Variants in MEGF6 observed in about 807,000 individuals in gnomAD.
MEGF6 encodes the protein multiple epidermal growth factor-like domains protein 6.
A neutral mutation model predicts 207.1 loss-of-function variants in MEGF6; 184 were observed. The observed-to-expected ratio is 0.89, with a 90% confidence interval of 0.79 to 1.00. The LOEUF is 1.00. Ranked by LOEUF, MEGF6 falls within the 50% of genes least tolerant of loss-of-function variation. The pLI is 0.00. For synonymous variants in MEGF6, 1,038 were observed against 910.0 expected, an observed-to-expected ratio of 1.14 and a Z score of -2.53; for missense variants, 2,282 against 2,202.9, an observed-to-expected ratio of 1.04 and a Z score of -0.72.
chr1:3,580,160 G>A (rs1261562349), intron 3 of MEGF6, among the ~76,000 whole-genome samples: 1 of 151,594 alleles, frequency 6.6e-6, no homozygotes, highest in Non-Finnish European at 1.5e-5. Context: ...CTGGAGGGCA[G>A]TAAAGCCCTA....
rs1640333640 is a variant in MEGF6, at chr1:3,490,967, G to A, written c.4517-8C>T. ...GGAGCCGGAGGGGCCCACCTGGAGGGGAGAGAGAGCAGGCCATGTTAGTAC... is the reference window on the plus strand; with the variant it reads ...GGAGCCGGAGGGGCCCACCTGGAGGAGAGAGAGAGCAGGCCATGTTAGTAC... On this transcript the variant is annotated splice_region_variant and splice_polypyrimidine_tract_variant and intron_variant, in intron 35 of 36. Transcript: ENST00000356575. The A allele has an allele frequency of 1.3e-6, 2 of 1,595,438 alleles. No individual in the cohort carries two copies. The highest frequency in any genetic ancestry group is 8.5e-7 in the Non-Finnish European group (1 of 1,174,128).
In MEGF6 at chr1:3,489,569, G is replaced by A. The variant is rs748408478; in HGVS notation, c.*959C>T. Among the ~76,000 whole-genome samples, 2 of 152,116 alleles carry A rather than the reference G, an allele frequency of 1.3e-5. No individual in the cohort carries two copies. The highest frequency in any genetic ancestry group is 2.9e-5 in the Non-Finnish European group (2 of 68,010). ...TCACCCAGGGAGTCCCTGCCCCTGC[G>A]ATGCTGCCCTCCCCCCACTGCTGAT... On this transcript the variant is annotated 3_prime_UTR_variant, in exon 37 of 37. Coordinates refer to ENST00000356575, the MANE Select transcript of MEGF6 (RefSeq NM_001409.4).
intron 5 of MEGF6, among the ~76,000 whole-genome samples, chr1:3,523,829 T>A (rs1641857155): frequency 6.6e-6 from 1 of 152,210 alleles, no homozygotes; most frequent in Non-Finnish European, 1.5e-5. Context: ...CTCACTCCCC[T>A]GTCCACTGGG....
intron 34 of MEGF6, 106 bp downstream of exon 34, chr1:3,493,665 G>A (rs185310228): frequency 0.02 from 29,413 of 1,454,390 alleles, 393 homozygotes; most frequent in Non-Finnish European, 0.024. Flanking sequence ...AACAAGAGGG[G>A]TTGGTGGCCA....
chr1:3,584,624 C>T (rs1463899949), intron 3 of MEGF6, among the ~76,000 whole-genome samples: 1 of 152,244 alleles, frequency 6.6e-6, no homozygotes, highest in African/African-American at 2.4e-5. Flanking sequence ...TGTTCCCCCA[C>T]ACCAGAGTCC....
intron 4 of MEGF6, among the ~76,000 whole-genome samples, chr1:3,533,832 C>T (rs922219285): frequency 5.3e-5 from 8 of 152,216 alleles, no homozygotes; most frequent in African/African-American, 1.4e-4. Flanking sequence ...AGCACCCCAT[C>T]TGGGGAAGGT....
chr1:3,585,594 G>A (rs923402314), intron 3 of MEGF6, among the ~76,000 whole-genome samples: 8 of 139,960 alleles, frequency 5.7e-5, no homozygotes, highest in Admixed American at 2.1e-4. Context: ...GTGTGGACAC[G>A]TCCTGTGTGT....
intron 4 of MEGF6, among the ~76,000 whole-genome samples, chr1:3,577,278 G>A (rs1643670055): frequency 1.3e-5 from 2 of 152,196 alleles, no homozygotes; most frequent in Non-Finnish European, 2.9e-5. Context: ...CCACAAGCCA[G>A]CCACAGGGGA....
chr1:3,543,242 T>C (rs754462439), intron 4 of MEGF6, among the ~76,000 whole-genome samples: 17 of 152,098 alleles, frequency 1.1e-4, no homozygotes, highest in Admixed American at 5.9e-4. Context: ...GAGTCATCAC[T>C]GCAAGCAGGT....
intron 4 of MEGF6, among the ~76,000 whole-genome samples, chr1:3,574,936 C>T (rs753063982): frequency 6.6e-6 from 1 of 152,200 alleles, no homozygotes; most frequent in Non-Finnish European, 1.5e-5. Context: ...AGCCACCACG[C>T]CTGGCTTGAG....
upstream of MEGF6, among the ~76,000 whole-genome samples, chr1:3,613,279 C>T (rs539046347): frequency 5.6e-4 from 85 of 152,342 alleles, 1 homozygote; most frequent in South Asian, 6.6e-3. Context: ...TACTTTCCTC[C>T]TGGTCTCCCA....
rs1041694729 is a variant in MEGF6, at chr1:3,556,663, C to A, written c.481+23162G>T. The stretch of plus-strand genomic sequence containing the variant: ...CGAATAGGACTGACCACCAAGCAGA[C>A]TGCAGGCAGCTTAAGAGCTCCATTG... On this transcript the variant is annotated intron_variant, in intron 4 of 36. Transcript: ENST00000356575. The surrounding 1 kb of genome is among the most constrained non-coding windows in gnomAD (Gnocchi z 4.4). 1.3e-5 allele frequency among the ~76,000 whole-genome samples: 2 copies of A among 152,198 alleles called. No homozygotes were observed. The highest frequency in any genetic ancestry group is 2.9e-5 in the Non-Finnish European group (2 of 68,042).
chr1:3,519,583 C>T (rs1182139818), intron 5 of MEGF6, among the ~76,000 whole-genome samples: 7 of 152,246 alleles, frequency 4.6e-5, no homozygotes, highest in African/African-American at 7.2e-5. Context: ...TTTAGGAAGG[C>T]GCCTTACTTG....
At chr1:3,610,871 G>C (rs1199890171) in intron 1 of MEGF6, among the ~76,000 whole-genome samples, 1 of 145,080 alleles carries the variant, frequency 6.9e-6, no homozygotes, top group Non-Finnish European at 1.5e-5. Context: ...TACAGTATCT[G>C]CCTGAGCCTG....
chr1:3,497,408 G>A, intron 26 of MEGF6, 47 bp from the exon 27 acceptor site: 1 of 1,478,888 alleles, frequency 6.8e-7, no homozygotes, highest in Non-Finnish European at 9.0e-7. Flanking sequence ...GGGCCCGTGG[G>A]GATCTGTGGG....
intron 5 of MEGF6, among the ~76,000 whole-genome samples, chr1:3,518,931 G>A (rs1641641258): frequency 6.6e-6 from 1 of 152,166 alleles, no homozygotes; most frequent in African/African-American, 2.4e-5. Context: ...GGGCCTCCTT[G>A]TTGCACAGGG....
intron 3 of MEGF6, among the ~76,000 whole-genome samples, chr1:3,585,870 GGTGTGAGGACACATGTCCT>G (rs1643886258): frequency 6.9e-6 from 1 of 145,238 alleles, no homozygotes; most frequent in East Asian, 2.1e-4. Context: ...CCTGTGTGTG[GGTGTGAGGACACATGTCCT>G]GTGTGTGGAC....
chr1:3,581,119 A>G (rs1643787156), intron 3 of MEGF6, among the ~76,000 whole-genome samples: 1 of 152,170 alleles, frequency 6.6e-6, no homozygotes, highest in Non-Finnish European at 1.5e-5. Flanking sequence ...AGAGTGAGCC[A>G]TGACCGGCTC....
chr1:3,592,688 A>G (rs1276615892), intron 3 of MEGF6, among the ~76,000 whole-genome samples: 2 of 152,226 alleles, frequency 1.3e-5, no homozygotes, highest in Non-Finnish European at 2.9e-5. Flanking sequence ...GCCCGTGTGA[A>G]CCCTGACTCC....
Sources: allele counts gnomAD v4.1 joint callset (sites outside exome capture counted in the v4.1 genomes callset), GRCh38; gene constraint gnomAD v4.1.1; non-coding constraint Gnocchi (gnomAD v3.1); transcripts MANE v1.5; gene names NCBI Gene and HGNC (gene_info 2026-07-23, HGNC 2026-07-21).